The following SMYD3 variants were observed in gnomAD, a reference collection of about 807,000 sequenced individuals.
The protein encoded by SMYD3 is SET and MYND domain containing 3.
Under a neutral mutation model 57.7 loss-of-function variants are expected in SMYD3, and 36 were observed. The observed-to-expected ratio is 0.62, with a 90% CI of 0.48 to 0.82. The LOEUF is 0.82. SMYD3 is among the 40% of genes least tolerant of loss of function. SMYD3 has a pLI of 0.00. For synonymous variants in SMYD3, 211 were observed against 195.0 expected (o/e 1.08, Z -0.68); for missense variants, 515 against 538.8 (o/e 0.96, Z 0.44).
intron 1 of SMYD3, among the ~76,000 whole-genome samples, chr1:246,491,108 G>A (rs1463368902): frequency 6.6e-6 from 1 of 152,198 alleles, no homozygotes; most frequent in African/African-American, 2.4e-5. Context: ...ACAAGGGAAA[G>A]CACCAAAGTG....
intron 8 of SMYD3, among the ~76,000 whole-genome samples, chr1:245,891,494 G>A (rs1162719118): frequency 1.3e-5 from 2 of 152,202 alleles, no homozygotes; most frequent in African/African-American, 2.4e-5. Context: ...GGGGGGAGGG[G>A]AGCAATGACC....
intron 8 of SMYD3, among the ~76,000 whole-genome samples, chr1:245,885,737 T>G (rs1018103990): frequency 6.6e-6 from 1 of 152,190 alleles, no homozygotes; most frequent in African/African-American, 2.4e-5. Context: ...CATAAAAACG[T>G]TCATGGTCTT....
At chr1:246,246,224 C>T (rs1281992754) in intron 5 of SMYD3, among the ~76,000 whole-genome samples, 6 of 152,228 alleles carry the variant, frequency 3.9e-5, no homozygotes, top group Middle Eastern at 3.4e-3. Flanking sequence ...ATTAATAAAA[C>T]GTTCTTCTCT....
At chr1:246,089,703 G>A (rs192690379) in intron 5 of SMYD3, among the ~76,000 whole-genome samples, 2 of 152,154 alleles carry the variant, frequency 1.3e-5, no homozygotes, top group East Asian at 1.9e-4. Flanking sequence ...CAAAAGTCTC[G>A]GGTAGAAAAC....
At chr1:246,422,973 C>T (rs1420884962) in intron 1 of SMYD3, among the ~76,000 whole-genome samples, 1 of 152,106 alleles carries the variant, frequency 6.6e-6, no homozygotes, top group East Asian at 1.9e-4. Context: ...CAAACACATA[C>T]ATCACACAGT....
At chr1:245,758,845 G>C (rs1474958660) in intron 11 of SMYD3, among the ~76,000 whole-genome samples, 1 of 152,160 alleles carries the variant, frequency 6.6e-6, no homozygotes, top group African/African-American at 2.4e-5. Flanking sequence ...TTAAGATTGA[G>C]ATATTCCTGG....
intron 1 of SMYD3, among the ~76,000 whole-genome samples, chr1:246,416,770 C>T (rs2067068988): frequency 6.6e-6 from 1 of 152,002 alleles, no homozygotes; most frequent in Admixed American, 6.6e-5. Flanking sequence ...TTAGAAGCTG[C>T]CTCAGAACCA....
chr1:246,261,111 T>G (rs2064002367), intron 5 of SMYD3, among the ~76,000 whole-genome samples: 1 of 152,036 alleles, frequency 6.6e-6, no homozygotes. Flanking sequence ...CAGGCTGGAG[T>G]GCAGTGGCAC....
At chr1:245,883,857 G>A (rs4654154) in intron 8 of SMYD3, among the ~76,000 whole-genome samples, 151,977 of 152,342 alleles carry the variant, frequency 1, 75,809 homozygotes, top group Middle Eastern at 1. Flanking sequence ...GCTGGTTGTC[G>A]TGGGAAGCAA....
At chr1:245,945,477 G>A (rs1016634330) in intron 5 of SMYD3, among the ~76,000 whole-genome samples, 3 of 152,146 alleles carry the variant, frequency 2.0e-5, no homozygotes, top group African/African-American at 4.8e-5. Context: ...AACAGATGCT[G>A]GCAAGGCTGC....
At chr1:246,198,385 A>C (rs545817945) in intron 5 of SMYD3, among the ~76,000 whole-genome samples, 1 of 152,224 alleles carries the variant, frequency 6.6e-6, no homozygotes, top group Non-Finnish European at 1.5e-5. Context: ...AACTCTGTTT[A>C]TTTCTAATAT....
chr1:246,056,536 T>C (rs1170437593), intron 5 of SMYD3, among the ~76,000 whole-genome samples: 2 of 151,930 alleles, frequency 1.3e-5, no homozygotes, highest in African/African-American at 2.4e-5. Flanking sequence ...CCTTCACAAA[T>C]GTGCATTGTA....
intron 1 of SMYD3, among the ~76,000 whole-genome samples, chr1:246,411,336 A>T (rs1257378393): frequency 1.3e-5 from 2 of 152,214 alleles, no homozygotes; most frequent in African/African-American, 4.8e-5. Context: ...CAGGTGCTGG[A>T]GAGGATGTGG....
chr1:245,893,666 G>A (rs1479167315), intron 8 of SMYD3, among the ~76,000 whole-genome samples: 1 of 152,166 alleles, frequency 6.6e-6, no homozygotes, highest in Non-Finnish European at 1.5e-5. Flanking sequence ...AGAAGATTTG[G>A]GTTAGCAGGT....
chr1:246,068,574 C>T (rs1020150859), intron 5 of SMYD3, among the ~76,000 whole-genome samples: 13 of 152,140 alleles, frequency 8.5e-5, no homozygotes, highest in Non-Finnish European at 1.6e-4. Context: ...AGAGACGGAG[C>T]GCAGGGTGCC....
At chr1:246,408,327 TCC>T (rs953440145) in intron 1 of SMYD3, among the ~76,000 whole-genome samples, 8 of 152,282 alleles carry the variant, frequency 5.3e-5, no homozygotes, top group African/African-American at 1.9e-4. Context: ...TCTAAGACTC[TCC>T]CTTCAGGATA....
intron 8 of SMYD3, among the ~76,000 whole-genome samples, chr1:245,897,180 T>C (rs10924379): frequency 0.18 from 27,936 of 152,098 alleles, 4,729 homozygotes; most frequent in African/African-American, 0.45. Flanking sequence ...ATTTGAAATC[T>C]TGGAAATAAA....
intron 1 of SMYD3, among the ~76,000 whole-genome samples, chr1:246,401,826 G>A (rs1288775785): frequency 1.3e-5 from 2 of 149,808 alleles, no homozygotes; most frequent in Non-Finnish European, 3.0e-5. Context: ...AGGTCCAAGC[G>A]ATTCACCTGC....
At chr1:245,781,841 C>A (rs188844456) in intron 10 of SMYD3, among the ~76,000 whole-genome samples, 1 of 152,202 alleles carries the variant, frequency 6.6e-6, no homozygotes, top group East Asian at 1.9e-4. Context: ...TGGTGGCATG[C>A]ATCTGTAATC....
Sources: allele counts gnomAD v4.1 joint callset (sites outside exome capture counted in the v4.1 genomes callset), GRCh38; gene constraint gnomAD v4.1.1; transcripts MANE v1.5; gene names NCBI Gene and HGNC (gene_info 2026-07-23, HGNC 2026-07-21).